TLN2: variants seen among roughly 807,000 people sequenced by gnomAD.
TLN2 encodes talin 2.
In TLN2, 118 loss-of-function variants were observed where a neutral mutation model predicts 294.7. That is an observed-to-expected ratio of 0.40 (90% CI 0.34 to 0.47). The LOEUF (loss-of-function observed/expected upper bound fraction) is 0.47, where lower values mean the gene tolerates loss of function less well. Among genes scored for constraint, TLN2 ranks in the 20% least tolerant of loss-of-function variants. The pLI is 0.84. For missense variants in TLN2, 3,083 were observed against 3,282.2 expected (o/e 0.94, Z 1.48); for synonymous variants, 1,431 against 1,304.5 (o/e 1.10, Z -2.09).
At chr15:62,501,600 A>T (rs916921342) in intron 1 of TLN2, among the ~76,000 whole-genome samples, 2 of 152,202 alleles carry the variant, frequency 1.3e-5, no homozygotes, top group African/African-American at 4.8e-5. Context: ...TGTGGTGCAG[A>T]ATATCTGGAT....
chr15:62,513,352 A>C (rs1306683767), intron 1 of TLN2, among the ~76,000 whole-genome samples: 1 of 152,134 alleles, frequency 6.6e-6, no homozygotes, highest in African/African-American at 2.4e-5. Context: ...GGTCCCTCCC[A>C]ACACCTGCCT....
At chr15:62,420,252 CTG>C (rs1367197122) in intron 1 of TLN2, among the ~76,000 whole-genome samples, 1 of 152,078 alleles carries the variant, frequency 6.6e-6, no homozygotes, top group Middle Eastern at 3.2e-3. Flanking sequence ...AAAGATAAGA[CTG>C]TTTGTGTTAA....
intron 1 of TLN2, among the ~76,000 whole-genome samples, chr15:62,512,605 T>C (rs1449013994): frequency 6.6e-6 from 1 of 152,194 alleles, no homozygotes; most frequent in Non-Finnish European, 1.5e-5. Flanking sequence ...ACATTTTCTT[T>C]CTTCTCATGG....
chr15:62,582,962 C>T (rs2045270509), intron 1 of TLN2, among the ~76,000 whole-genome samples: 1 of 152,028 alleles, frequency 6.6e-6, no homozygotes, highest in South Asian at 2.1e-4. Flanking sequence ...GCTGAATGAC[C>T]AAGGAAGAGT....
chr15:62,684,330 AC>A (rs1209788517), intron 11 of TLN2, among the ~76,000 whole-genome samples: 1 of 152,110 alleles, frequency 6.6e-6, no homozygotes, highest in African/African-American at 2.4e-5. Context: ...GATTGTGCCA[AC>A]CCTGTGTGAC....
At chr15:62,718,629 C>G (rs975555346) in intron 24 of TLN2, among the ~76,000 whole-genome samples, 3 of 152,162 alleles carry the variant, frequency 2.0e-5, no homozygotes, top group African/African-American at 7.2e-5. Flanking sequence ...ATAGTAGGGT[C>G]CTGGGCTGGT....
chr15:62,399,774 C>T lies in TLN2; in HGVS notation c.-238+9089C>T, dbSNP rs2032883152. ...GAGTGTATTTAGGCAATTCCTGTAC[C>T]ACCTTTGTATCTAGGAAGTAACTAA... On this transcript the variant is annotated intron_variant, in intron 1 of 58. Coordinates refer to ENST00000636159, the MANE Select transcript of TLN2 (RefSeq NM_015059.3). Among the ~76,000 whole-genome samples the T allele has an allele frequency of 2.6e-5, 4 of 152,186 alleles. No homozygotes were observed. In the South Asian group the frequency reaches 8.3e-4, roughly 32 times the overall value.
intron 52 of TLN2, among the ~76,000 whole-genome samples, chr15:62,814,221 GA>G (rs1158469839): frequency 1.3e-5 from 2 of 151,844 alleles, no homozygotes; most frequent in Non-Finnish European, 2.9e-5. Flanking sequence ...AGAAATAATG[GA>G]AAAAAGGGGA....
At chr15:62,659,834 G>A (rs1459788673) in intron 9 of TLN2, among the ~76,000 whole-genome samples, 2 of 152,048 alleles carry the variant, frequency 1.3e-5, no homozygotes, top group Non-Finnish European at 2.9e-5. Context: ...TATTTAATTG[G>A]GTACATTATT....
chr15:62,523,895 C>T (rs1378818541), intron 1 of TLN2, among the ~76,000 whole-genome samples: 1 of 152,192 alleles, frequency 6.6e-6, no homozygotes, highest in Non-Finnish European at 1.5e-5. Context: ...TGCTTTATTC[C>T]TTTCCTGTAT....
chr15:62,841,300 C>T lies in TLN2; in HGVS notation c.*690C>T, dbSNP rs1001837442. 3 of 152,790 alleles carry T rather than the reference C, an allele frequency of 2.0e-5. No individual in the cohort carries two copies. The highest frequency in any genetic ancestry group is 4.4e-5 in the Non-Finnish European group (3 of 68,238). 9.5% of individuals were successfully genotyped at this position (152,790 alleles called of 1,614,324 possible). On this transcript the variant is annotated 3_prime_UTR_variant, in exon 59 of 59. Transcript: ENST00000636159. Reference sequence around the variant, plus strand: ...TCCAAAGGGCAGAGTTGCGGAAGGCCGTCGGGGCTTGGTGAGCAGGGGCTG... The same window carrying T: ...TCCAAAGGGCAGAGTTGCGGAAGGCTGTCGGGGCTTGGTGAGCAGGGGCTG...
intron 54 of TLN2, among the ~76,000 whole-genome samples, chr15:62,826,957 A>G (rs987386836): frequency 3.3e-5 from 5 of 152,242 alleles, no homozygotes; most frequent in African/African-American, 1.2e-4. Context: ...TGAGTAACAC[A>G]GAGCAAAGCC....
chr15:62,801,073 G>C (rs962442421), intron 50 of TLN2, among the ~76,000 whole-genome samples: 2 of 152,300 alleles, frequency 1.3e-5, no homozygotes, highest in East Asian at 3.9e-4. Context: ...TGGAAAAAGG[G>C]AAAGTCAGTA....
At chr15:62,455,989 G>A (rs550087603) in intron 1 of TLN2, among the ~76,000 whole-genome samples, 58 of 151,326 alleles carry the variant, frequency 3.8e-4, no homozygotes, top group Non-Finnish European at 7.1e-4. Flanking sequence ...CTGCAGTTGC[G>A]AACCCCAGAA....
chr15:62,443,979 C>A (rs2035684979), intron 1 of TLN2, among the ~76,000 whole-genome samples: 1 of 152,136 alleles, frequency 6.6e-6, no homozygotes, highest in Non-Finnish European at 1.5e-5. Flanking sequence ...CAGAGCAAGA[C>A]CCTGTCTCAA....
chr15:62,705,617 T>C (rs2059012261), intron 19 of TLN2, among the ~76,000 whole-genome samples: 1 of 152,220 alleles, frequency 6.6e-6, no homozygotes, highest in Admixed American at 6.5e-5. Context: ...AAAGATGAAT[T>C]CATATCAAGT....
At chr15:62,780,110 G>T (rs1030179839) in intron 43 of TLN2, among the ~76,000 whole-genome samples, 4 of 152,214 alleles carry the variant, frequency 2.6e-5, no homozygotes, top group African/African-American at 9.6e-5. Context: ...TAAAACAGAT[G>T]CAGCCTCATT....
intron 50 of TLN2, 45 bp from the exon 51 acceptor site, chr15:62,805,555 C>G (rs568697210): frequency 6.6e-7 from 1 of 1,523,646 alleles, no homozygotes; most frequent in South Asian, 1.3e-5. Context: ...TTATTTTTTT[C>G]GTTTCCTTTT....
Position 62,805,683 on chromosome 15 carries a change from A to G in TLN2, c.6561A>G (p.Thr2187=). 1 of 1,614,202 alleles carries G rather than the reference A, an allele frequency of 6.2e-7. No individual in the cohort carries two copies. Among genetic ancestry groups the G allele is most frequent in the East Asian group, 2.2e-5 (1 of 44,888 alleles). The change falls in exon 51 of 59, where the codon ACA becomes ACG. Residue 2187 remains threonine (T), a synonymous_variant. Transcript: ENST00000636159. Reference sequence around the variant, plus strand: ...TGACGAAAGGCATCACCATGGCAACAGCCAAAGCCGTGGCAGCTGGGAACT... The same window carrying G: ...TGACGAAAGGCATCACCATGGCAACGGCCAAAGCCGTGGCAGCTGGGAACT... ...IRMTKGITMA[T]AKAVAAGNSC...
Sources: gnomAD v4.1 joint callset for allele counts (sites outside exome capture counted in the v4.1 genomes callset) on GRCh38, gnomAD v4.1.1 for gene constraint, MANE v1.5 for transcripts, NCBI Gene and HGNC (gene_info 2026-07-23, HGNC 2026-07-21) for gene names.